MAP2: variants seen among roughly 807,000 people sequenced by gnomAD.
MAP2 encodes microtubule associated protein 2, also known as microtubule-associated protein 2.
MAP2 carries 14 observed loss-of-function variants against 137.6 expected under a neutral mutation model. The observed-to-expected ratio is 0.10, with a 90% confidence interval of 0.07 to 0.16. The LOEUF is 0.16. MAP2 is among the 10% of genes least tolerant of loss of function. The pLI is 1.00. For missense variants in MAP2, 2,088 were observed against 2,191.5 expected (o/e 0.95, Z 0.94); for synonymous variants, 786 against 782.3 (o/e 1.00, Z -0.08).
intron 1 of MAP2, among the ~76,000 whole-genome samples, chr2:209,472,229 G>A (rs1012532435): frequency 1.3e-5 from 2 of 152,194 alleles, no homozygotes; most frequent in African/African-American, 4.8e-5. Flanking sequence ...TTCATTTGGA[G>A]CCCCTCTGGG....
intron 3 of MAP2, among the ~76,000 whole-genome samples, chr2:209,606,823 C>A (rs372781386): frequency 8.6e-4 from 131 of 152,074 alleles, no homozygotes; most frequent in African/African-American, 2.4e-3. Flanking sequence ...GAACAATAAC[C>A]GCAGAAAGTC....
chr2:209,652,863 T>TTTTTG (rs543006539), intron 4 of MAP2, among the ~76,000 whole-genome samples: 3 of 152,134 alleles, frequency 2.0e-5, no homozygotes, highest in South Asian at 2.1e-4. Flanking sequence ...GTTGTTTGGT[T>TTTTTG]TTTTGTTTTG....
rs561320866 is a variant in MAP2, at chr2:209,528,063, T to C, written c.-172+20422T>C. ...ATGGGCATGGTAGGCATAGATTATATGTCCCTGTAGAATCTTGCAAGGTAG... is the reference window on the plus strand; with the variant it reads ...ATGGGCATGGTAGGCATAGATTATACGTCCCTGTAGAATCTTGCAAGGTAG... On this transcript the variant is annotated intron_variant, in intron 2 of 15. Transcript: ENST00000682079. Among the ~76,000 whole-genome samples, 61 of 152,220 alleles carry C rather than the reference T, an allele frequency of 4.0e-4. No individual in the cohort carries two copies. In the Middle Eastern group the frequency reaches 0.017, roughly 42 times the overall value.
At chr2:209,623,040 T>C (rs1013097618) in intron 3 of MAP2, among the ~76,000 whole-genome samples, 1 of 152,212 alleles carries the variant, frequency 6.6e-6, no homozygotes, top group African/African-American at 2.4e-5. Flanking sequence ...GAGTTAATTT[T>C]TGGAAAGACT....
At chr2:209,661,712 G>A (rs2043715534) in intron 5 of MAP2, 2 of 983,762 alleles carry the variant, frequency 2.0e-6, no homozygotes, top group East Asian at 1.1e-4. Context: ...GTCCTATGTG[G>A]TCTCTCTACT....
chr2:209,542,175 GA>G (rs2067170566), intron 2 of MAP2, among the ~76,000 whole-genome samples: 1 of 152,196 alleles, frequency 6.6e-6, no homozygotes, highest in South Asian at 2.1e-4. Flanking sequence ...ATCTCCATTA[GA>G]GCTTTTGGGT....
intron 4 of MAP2, among the ~76,000 whole-genome samples, chr2:209,630,232 G>A (rs1168083220): frequency 2.6e-5 from 4 of 151,886 alleles, no homozygotes; most frequent in Non-Finnish European, 2.9e-5. Context: ...TGAGGGTCTA[G>A]AATCAGGAAC....
Position 209,719,867 on chromosome 2 carries a change from C to A in MAP2, c.5074-5842C>A, listed in dbSNP as rs1486421993. Among the ~76,000 whole-genome samples, 3 of 152,302 alleles carry A rather than the reference C, an allele frequency of 2.0e-5. No homozygotes were observed. In the East Asian group the frequency reaches 5.8e-4, roughly 29 times the overall value. Reference sequence around the variant, plus strand: ...GACCCTTATGTGAATGGAAAGCCAACTATTTGTGCAAATAAATCACCAATG... The same window carrying A: ...GACCCTTATGTGAATGGAAAGCCAAATATTTGTGCAAATAAATCACCAATG... On this transcript the variant is annotated intron_variant, in intron 13 of 15. Transcript: ENST00000682079.
chr2:209,442,901 C>G (rs530790196), intron 1 of MAP2, among the ~76,000 whole-genome samples: 1 of 151,714 alleles, frequency 6.6e-6, no homozygotes, highest in African/African-American at 2.4e-5. Flanking sequence ...TTCATCTCTA[C>G]TGTCACTGAA....
intron 2 of MAP2, among the ~76,000 whole-genome samples, chr2:209,575,356 C>T (rs2075160731): frequency 6.6e-6 from 1 of 151,810 alleles, no homozygotes; most frequent in Non-Finnish European, 1.5e-5. Flanking sequence ...CCCGTCTCTA[C>T]TAAAAATTCA....
intron 5 of MAP2, among the ~76,000 whole-genome samples, chr2:209,666,904 C>G (rs545699614): frequency 1.6e-3 from 247 of 151,936 alleles, no homozygotes; most frequent in Non-Finnish European, 2.7e-3. Flanking sequence ...ACTAGAAATG[C>G]TTGAATCTCC....
chr2:209,628,976 C>A (rs141755470), intron 4 of MAP2, among the ~76,000 whole-genome samples: 11 of 152,276 alleles, frequency 7.2e-5, no homozygotes, highest in Non-Finnish European at 1.3e-4. Flanking sequence ...TGGTTTGTTT[C>A]AACAGAGGCC....
intron 3 of MAP2, among the ~76,000 whole-genome samples, chr2:209,618,449 T>C (rs557661895): frequency 6.6e-6 from 1 of 152,280 alleles, no homozygotes; most frequent in Admixed American, 6.5e-5. Flanking sequence ...TACTAATAAA[T>C]CACTATGTGG....
chr2:209,515,731 C>G (rs954059721), intron 2 of MAP2, among the ~76,000 whole-genome samples: 2 of 152,074 alleles, frequency 1.3e-5, no homozygotes, highest in African/African-American at 4.8e-5. Flanking sequence ...GTACTATTGT[C>G]TTCATTTTAT....
intron 2 of MAP2, among the ~76,000 whole-genome samples, chr2:209,546,183 C>T (rs1256173218): frequency 6.6e-6 from 1 of 151,978 alleles, no homozygotes; most frequent in African/African-American, 2.4e-5. Context: ...AAGAAATGCA[C>T]GCAACTTTTT....
In MAP2 at chr2:209,602,912, T is replaced by C. The variant is rs192962842; in HGVS notation, c.-106-22141T>C. 2.0e-5 allele frequency among the ~76,000 whole-genome samples: 3 copies of C among 152,296 alleles called. No individual in the cohort carries two copies. The East Asian group carries it at 5.8e-4, about 29-fold the overall frequency. Reference sequence around the variant, plus strand: ...AGAGCTAGGCTTCAAAGAGATACTTTGGTGACTGCAGGTCTCCGGTAGTCC... The same window carrying C: ...AGAGCTAGGCTTCAAAGAGATACTTCGGTGACTGCAGGTCTCCGGTAGTCC... On this transcript the variant is annotated intron_variant, in intron 3 of 15. Transcript: ENST00000682079.
intron 1 of MAP2, among the ~76,000 whole-genome samples, chr2:209,448,837 A>C (rs1415842521): frequency 1.3e-5 from 2 of 152,150 alleles, no homozygotes; most frequent in Non-Finnish European, 1.5e-5. Context: ...ACCTTTTTCC[A>C]AATAAGGTAA....
intron 1 of MAP2, among the ~76,000 whole-genome samples, chr2:209,430,740 C>T (rs1393027184): frequency 6.6e-6 from 1 of 152,176 alleles, no homozygotes; most frequent in Admixed American, 6.5e-5. Context: ...TCAGGTGACA[C>T]TGCTTTTACA....
intron 3 of MAP2, among the ~76,000 whole-genome samples, chr2:209,611,122 A>C (rs906244461): frequency 6.6e-6 from 1 of 152,192 alleles, no homozygotes; most frequent in Non-Finnish European, 1.5e-5. Context: ...ATGCAGTTAC[A>C]AATGACGCCA....
Sources: allele counts gnomAD v4.1 joint callset (sites outside exome capture counted in the v4.1 genomes callset), GRCh38; gene constraint gnomAD v4.1.1; transcripts MANE v1.5; gene names NCBI Gene and HGNC (gene_info 2026-07-23, HGNC 2026-07-21).